Variants in DNAH3 observed in about 807,000 individuals in gnomAD.
DNAH3 encodes the protein dynein axonemal heavy chain 3.
Under a neutral mutation model 432.5 loss-of-function variants are expected in DNAH3, and 332 were observed. That is an observed-to-expected ratio of 0.77 (90% CI 0.70 to 0.84). The LOEUF (loss-of-function observed/expected upper bound fraction) is 0.84, where lower values mean the gene tolerates loss of function less well. Among genes scored for constraint, DNAH3 ranks in the 40% least tolerant of loss-of-function variants. DNAH3 has a pLI of 0.00. For missense variants in DNAH3, 4,861 were observed against 5,114.0 expected (o/e 0.95, Z 1.51); for synonymous variants, 1,956 against 1,900.2 (o/e 1.03, Z -0.76).
intron 44 of DNAH3, among the ~76,000 whole-genome samples, chr16:20,988,623 G>A (rs2086345496): frequency 6.6e-6 from 1 of 152,152 alleles, no homozygotes; most frequent in South Asian, 2.1e-4. Flanking sequence ...GTTTTTAAAA[G>A]ATAAAGGCAA....
intron 56 of DNAH3, among the ~76,000 whole-genome samples, chr16:20,951,079 G>A (rs1275610241): frequency 6.6e-6 from 1 of 152,128 alleles, no homozygotes; most frequent in African/African-American, 2.4e-5. Flanking sequence ...CTCCAAAAGT[G>A]CTGGGATTAC....
chr16:20,975,492 C>G (rs1008427069), intron 50 of DNAH3, 77 bp from the exon 51 acceptor site: 1 of 1,409,326 alleles, frequency 7.1e-7, no homozygotes, highest in African/African-American at 1.4e-5. Context: ...AAATGATTCT[C>G]CAACCTATGA....
At chr16:20,958,807 G>A (rs2084684791) in intron 54 of DNAH3, among the ~76,000 whole-genome samples, 1 of 151,992 alleles carries the variant, frequency 6.6e-6, no homozygotes, top group Non-Finnish European at 1.5e-5. Flanking sequence ...TCACTCTGTC[G>A]CCCAGGCTGG....
intron 20 of DNAH3, among the ~76,000 whole-genome samples, chr16:21,080,677 A>G (rs891523400): frequency 2.6e-5 from 4 of 152,180 alleles, no homozygotes; most frequent in African/African-American, 9.7e-5. Context: ...GAAAACGTGC[A>G]TTCTAGCTAG....
At chr16:21,159,286 C>T in intron 1 of DNAH3, 1 of 1,555,082 alleles carries the variant, frequency 6.4e-7, no homozygotes, top group Non-Finnish European at 8.9e-7. Context: ...TCCCATTATT[C>T]AGTCTCTGTG....
At chr16:20,990,099 G>A (rs1380060966) in intron 44 of DNAH3, among the ~76,000 whole-genome samples, 2 of 152,242 alleles carry the variant, frequency 1.3e-5, no homozygotes, top group African/African-American at 2.4e-5. Context: ...ATAGTGCAGC[G>A]GTGGGCTGAA....
At chr16:20,992,230 G>T (rs1409199473) in intron 44 of DNAH3, among the ~76,000 whole-genome samples, 1 of 151,878 alleles carries the variant, frequency 6.6e-6, no homozygotes, top group African/African-American at 2.4e-5. Context: ...CATCTTTGGT[G>T]AGTGAAAGCC....
intron 24 of DNAH3, among the ~76,000 whole-genome samples, chr16:21,066,031 TG>T (rs1346585652): frequency 6.6e-6 from 1 of 152,100 alleles, no homozygotes; most frequent in African/African-American, 2.4e-5. Flanking sequence ...TTCAACATGT[TG>T]GCCAGGCTGG....
intron 10 of DNAH3, among the ~76,000 whole-genome samples, chr16:21,121,371 T>C (rs1460998959): frequency 6.6e-6 from 1 of 152,202 alleles, no homozygotes; most frequent in African/African-American, 2.4e-5. Flanking sequence ...GGTTATTCTC[T>C]CTAGAAGCCT....
At chr16:21,098,831 A>G in intron 16 of DNAH3, 62 bp from the exon 17 acceptor site, 3 of 1,538,764 alleles carry the variant, frequency 1.9e-6, no homozygotes, top group South Asian at 2.5e-5. Context: ...TCAAAACATC[A>G]GCACTGCTTG....
chr16:21,137,115 C>A (rs1472451156), intron 5 of DNAH3, among the ~76,000 whole-genome samples: 2 of 151,962 alleles, frequency 1.3e-5, no homozygotes, highest in Admixed American at 1.3e-4. Flanking sequence ...GCCTGGGTGA[C>A]CAATCGAGAC....
intron 41 of DNAH3, among the ~76,000 whole-genome samples, chr16:21,005,654 C>A (rs564749642): frequency 6.6e-6 from 1 of 151,290 alleles, no homozygotes; most frequent in African/African-American, 2.4e-5. Context: ...GCTGGGATTA[C>A]AGGCATGAGC....
At chr16:20,980,310 A>ATAATATACATCATATATTAT (rs2085831529) in intron 49 of DNAH3, among the ~76,000 whole-genome samples, 1 of 142,964 alleles carries the variant, frequency 7.0e-6, no homozygotes, top group South Asian at 2.1e-4. Flanking sequence ...ATATTATATT[A>ATAATATACATCATATATTAT]TATATTATAA....
intron 47 of DNAH3, 138 bp from the exon 48 acceptor site, chr16:20,985,853 T>C (rs750325201): frequency 1.5e-5 from 14 of 913,516 alleles, no homozygotes; most frequent in African/African-American, 3.4e-5. Flanking sequence ...TCATCAGTTT[T>C]GTTTTGTTTC....
Position 21,117,352 on chromosome 16 carries a change from C to CA in DNAH3, c.1700-36dup. On this transcript the variant is annotated intron_variant, in intron 11 of 61. Transcript: ENST00000261383. ...GGACAGATTCCACCTGAAGAGTAAA[C>CA]ACCACTTTTGCATGTTGCAAGACTT... The CA allele has an allele frequency of 6.9e-7, 1 of 1,439,324 alleles. No individual in the cohort carries two copies. Among genetic ancestry groups the CA allele is most frequent in the Non-Finnish European group, 9.7e-7 (1 of 1,025,768 alleles). The allele number at this position is 1,439,324 out of a possible 1,614,324, so 89.2% of individuals were successfully genotyped here. A position where few individuals can be genotyped will look rare whatever the true frequency, so the allele number is the denominator to read the frequency against.
chr16:21,104,090 C>A (rs573099352), intron 16 of DNAH3: 20 of 186,188 alleles, frequency 1.1e-4, no homozygotes, highest in Admixed American at 7.8e-4. Flanking sequence ...AGCCCCCCTG[C>A]CATGCCTTTA....
chr16:20,955,534 A>G (rs2084524138), intron 54 of DNAH3, among the ~76,000 whole-genome samples: 1 of 151,872 alleles, frequency 6.6e-6, no homozygotes, highest in Non-Finnish European at 1.5e-5. Context: ...TCCAGGGCTC[A>G]AGTGATCCTC....
At chr16:21,150,213 C>T in intron 1 of DNAH3, 77 bp downstream of exon 2, 3 of 367,624 alleles carry the variant, frequency 8.2e-6, no homozygotes, top group Non-Finnish European at 1.5e-5. Flanking sequence ...CAACAAAGAG[C>T]AAAACTCTGT....
At chr16:21,134,890 G>A (rs2092621387) in intron 6 of DNAH3, among the ~76,000 whole-genome samples, 1 of 152,126 alleles carries the variant, frequency 6.6e-6, no homozygotes, top group Non-Finnish European at 1.5e-5. Context: ...GTTTTGCCAT[G>A]TTGGCCAGGT....
Sources: allele counts gnomAD v4.1 joint callset (sites outside exome capture counted in the v4.1 genomes callset), GRCh38; gene constraint gnomAD v4.1.1; transcripts MANE v1.5; gene names NCBI Gene and HGNC (gene_info 2026-07-23, HGNC 2026-07-21).